DNAH5: variants seen among roughly 807,000 people sequenced by gnomAD.
DNAH5 encodes dynein axonemal heavy chain 5.
Under a neutral mutation model 518.2 loss-of-function variants are expected in DNAH5, and 372 were observed. The ratio of observed to expected loss-of-function variants is 0.72; its 90% CI spans 0.66 to 0.78. The LOEUF (loss-of-function observed/expected upper bound fraction) is 0.78. Ranked by LOEUF, DNAH5 falls within the 30% of genes least tolerant of loss-of-function variation. The probability of loss-of-function intolerance (pLI) is 0.00; values close to 1 mark genes in which losing one functional copy is unlikely to be tolerated. For missense variants in DNAH5, 5,523 were observed against 5,687.0 expected, an observed-to-expected ratio of 0.97 and a Z score of 0.93; for synonymous variants, 2,039 against 2,025.9, an observed-to-expected ratio of 1.01 and a Z score of -0.17.
chr5:13,854,032 G>A (rs982772140), intron 30 of DNAH5, among the ~76,000 whole-genome samples: 6 of 152,156 alleles, frequency 3.9e-5, no homozygotes, highest in Non-Finnish European at 7.3e-5. Context: ...ACACCATGAA[G>A]ATTCTCCTCA....
At chr5:13,800,785 A>G (rs1259323912) in intron 47 of DNAH5, among the ~76,000 whole-genome samples, 3 of 151,988 alleles carry the variant, frequency 2.0e-5, no homozygotes, top group Admixed American at 6.6e-5. Context: ...ATTCCTTCCA[A>G]TCTCTTTGAT....
intron 1 of DNAH5, among the ~76,000 whole-genome samples, chr5:13,973,079 A>G (rs1225100433): frequency 4.6e-5 from 7 of 152,218 alleles, no homozygotes; most frequent in South Asian, 4.1e-4. Flanking sequence ...AGCCTGGATT[A>G]TCCAGGTGGG....
At chr5:13,958,109 T>A (rs1346524366) in intron 1 of DNAH5, among the ~76,000 whole-genome samples, 1 of 151,948 alleles carries the variant, frequency 6.6e-6, no homozygotes, top group Non-Finnish European at 1.5e-5. Flanking sequence ...TTAGCCAATT[T>A]TTTTTTTACT....
chr5:13,737,700 G>T (rs1003907423), intron 65 of DNAH5, among the ~76,000 whole-genome samples: 2 of 152,002 alleles, frequency 1.3e-5, no homozygotes, highest in African/African-American at 4.8e-5. Context: ...AGAGGCGGGT[G>T]GATCATTTGA....
chr5:13,769,455 C>A (rs1263485027), intron 57 of DNAH5, 46 bp downstream of exon 57: 3 of 1,464,460 alleles, frequency 2.0e-6, no homozygotes, highest in African/African-American at 1.4e-5. Context: ...CACTTGTGAA[C>A]TGAGAATTCA....
At chr5:13,822,375 A>G (rs890094941) in intron 40 of DNAH5, among the ~76,000 whole-genome samples, 1 of 151,866 alleles carries the variant, frequency 6.6e-6, no homozygotes, top group African/African-American at 2.4e-5. Flanking sequence ...CTCAGCATCC[A>G]GAGTAGATGG....
At chr5:13,976,911 A>G (rs1047641868) in intron 1 of DNAH5, among the ~76,000 whole-genome samples, 22 of 152,308 alleles carry the variant, frequency 1.4e-4, no homozygotes, top group African/African-American at 5.3e-4. Flanking sequence ...TGTCACATAA[A>G]ATATATTGGT....
intron 1 of DNAH5, among the ~76,000 whole-genome samples, chr5:13,934,915 A>G (rs1778782959): frequency 1.3e-5 from 2 of 152,242 alleles, no homozygotes; most frequent in Admixed American, 1.3e-4. Flanking sequence ...TTCAAATGTC[A>G]CTAAAGCCAG....
rs539886393 is a variant in DNAH5 at position 13,856,982 on chromosome 5, A to G, written c.4950+2470T>C. On this transcript the variant is annotated intron_variant, in intron 30 of 78. Transcript: ENST00000265104. ...AAGGATGCCCTCTCTCACCACTCCT[A>G]TCCAACATAGTATTGGTAGTTCTGG... Among the ~76,000 whole-genome samples the G allele has an allele frequency of 1.6e-4, 25 of 152,344 alleles. 1 individual carries two copies. In the East Asian group the frequency reaches 4.8e-3, roughly 29 times the overall value.
At chr5:13,767,428 T>A (rs1402008427) in intron 58 of DNAH5, among the ~76,000 whole-genome samples, 1 of 152,186 alleles carries the variant, frequency 6.6e-6, no homozygotes, top group African/African-American at 2.4e-5. Context: ...CCCAGCCTGT[T>A]TTAATATATT....
intron 52 of DNAH5, 53 bp downstream of exon 52, chr5:13,786,126 G>C: frequency 6.3e-7 from 1 of 1,579,566 alleles, no homozygotes; most frequent in South Asian, 1.1e-5. Context: ...ACCATGGTGT[G>C]AAGCCAAATG....
At chr5:13,720,051 T>C (rs1176322815) in intron 71 of DNAH5, among the ~76,000 whole-genome samples, 2 of 150,094 alleles carry the variant, frequency 1.3e-5, no homozygotes, top group African/African-American at 4.9e-5. Context: ...TGTTTTTCTA[T>C]AACCCATCTT....
At chr5:13,960,296 A>G (rs1201750039) in intron 1 of DNAH5, among the ~76,000 whole-genome samples, 1 of 152,192 alleles carries the variant, frequency 6.6e-6, no homozygotes, top group Non-Finnish European at 1.5e-5. Flanking sequence ...AGGTGCACAG[A>G]TGAGTGAACC....
At chr5:13,750,571 A>G (rs573811841) in intron 65 of DNAH5, among the ~76,000 whole-genome samples, 1 of 152,322 alleles carries the variant, frequency 6.6e-6, no homozygotes, top group East Asian at 1.9e-4. Flanking sequence ...CTCACATCAG[A>G]TCCCATCAGG....
intron 1 of DNAH5, among the ~76,000 whole-genome samples, chr5:13,976,842 A>G (rs1782298807): frequency 6.6e-6 from 1 of 152,150 alleles, no homozygotes; most frequent in African/African-American, 2.4e-5. Flanking sequence ...GCAATTACAA[A>G]GACTTCATAC....
rs752192934 is a variant in DNAH5 at position 13,917,125 on chromosome 5, T to C, written c.1089+18A>G. 27 of 1,577,890 alleles carry C rather than the reference T, an allele frequency of 1.7e-5. No individual in the cohort carries two copies. The East Asian group carries it at 4.5e-4, about 26-fold the overall frequency. ...AAGGGTTATCTATAGACTGAAAGAGTAGAAATCCTTAACTCACGGGATCAC... is the reference window on the plus strand; with the variant it reads ...AAGGGTTATCTATAGACTGAAAGAGCAGAAATCCTTAACTCACGGGATCAC... On this transcript the variant is annotated intron_variant, in intron 8 of 78. Coordinates refer to ENST00000265104, the MANE Select transcript of DNAH5 (RefSeq NM_001369.3).
chr5:13,913,845 T>C lies in DNAH5; in HGVS notation c.1434A>G (p.Arg478=), dbSNP rs140693210. 1.5e-5 allele frequency: 25 copies of C among 1,613,528 alleles called. No homozygotes were observed. In the African/African-American group the frequency reaches 3.1e-4, roughly 20 times the overall value. The change falls in exon 11 of 79, where the codon CGA becomes CGG. Residue 478 remains arginine (R), a synonymous_variant. Coordinates refer to ENST00000265104, the MANE Select transcript of DNAH5 (RefSeq NM_001369.3). ...AGATGTCTATTATCTTGGCAAGGCG[T>C]CGGTGAAAAGTTTCGAATTTTCCAA... ...YIFGKFETFH[R]RLAKIIDIFT... is the part of the protein sequence containing the mutation.
chr5:14,001,651 C>T lies in DNAH5; in HGVS notation c.12+9997G>A, dbSNP rs917567180. 4.6e-5 allele frequency among the ~76,000 whole-genome samples: 7 copies of T among 151,974 alleles called. No individual in the cohort carries two copies. In the East Asian group the frequency reaches 1.4e-3, roughly 30 times the overall value. ...GTGCTGGGATTACAGGCATGAGCCA[C>T]TGTGCCCAGCCTAGTTTTTTTCTTT... is the stretch of plus-strand genomic sequence containing the variant. On this transcript the variant is annotated intron_variant, in intron 1 of 78. Coordinates refer to the DNAH5 transcript ENST00000681290.
intron 12 of DNAH5, among the ~76,000 whole-genome samples, chr5:13,909,978 A>G (rs367954343): frequency 2.0e-5 from 3 of 152,348 alleles, no homozygotes; most frequent in South Asian, 2.1e-4. Context: ...TATATTCCAC[A>G]TATAAGCTAC....
Sources: allele counts gnomAD v4.1 joint callset (sites outside exome capture counted in the v4.1 genomes callset), GRCh38; gene constraint gnomAD v4.1.1; transcripts MANE v1.5; gene names NCBI Gene and HGNC (gene_info 2026-07-23, HGNC 2026-07-21).